Variants in DMXL1 observed in about 807,000 individuals in gnomAD.
DMXL1 encodes dmX-like protein 1.
A neutral mutation model predicts 319.2 loss-of-function variants in DMXL1; 99 were observed. The ratio of observed to expected loss-of-function variants is 0.31; its 90% CI spans 0.26 to 0.37. The LOEUF is 0.37. Ranked by LOEUF, DMXL1 falls within the 10% of genes least tolerant of loss-of-function variation. DMXL1 has a pLI of 1.00. For synonymous variants in DMXL1, 1,385 were observed against 1,235.2 expected (o/e 1.12, Z -2.54); for missense variants, 3,745 against 3,595.6 (o/e 1.04, Z -1.06).
chr5:119,113,610 T>A (rs1287606565), intron 5 of DMXL1, among the ~76,000 whole-genome samples: 1 of 152,202 alleles, frequency 6.6e-6, no homozygotes, highest in African/African-American at 2.4e-5. Context: ...CACCTTTTCC[T>A]GCAGAAAGTA....
At chr5:119,124,863 A>C (rs570172410) in intron 9 of DMXL1, among the ~76,000 whole-genome samples, 17 of 152,094 alleles carry the variant, frequency 1.1e-4, no homozygotes, top group Non-Finnish European at 2.4e-4. Flanking sequence ...CACTGCACCC[A>C]ACCAACATTT....
chr5:119,172,099 T>A (rs960423304), intron 25 of DMXL1, 130 bp downstream of exon 25: 2 of 798,602 alleles, frequency 2.5e-6, no homozygotes, highest in African/African-American at 1.8e-5. Context: ...TTGCCAAGTT[T>A]ATGTTGATTC....
chr5:119,121,181 G>C, intron 9 of DMXL1, 42 bp downstream of exon 9: 2 of 1,492,390 alleles, frequency 1.3e-6, no homozygotes, highest in Non-Finnish European at 1.8e-6. Flanking sequence ...AAATTGAATA[G>C]ATTGATTTTA....
At chr5:119,224,174 A>C (rs1785131107) in intron 37 of DMXL1, among the ~76,000 whole-genome samples, 1 of 152,162 alleles carries the variant, frequency 6.6e-6, no homozygotes, top group African/African-American at 2.4e-5. Flanking sequence ...CTGATGCTAC[A>C]AATTTAAGAT....
intron 1 of DMXL1, among the ~76,000 whole-genome samples, chr5:119,084,187 C>T (rs919810030): frequency 1.3e-5 from 2 of 151,736 alleles, no homozygotes; most frequent in African/African-American, 4.8e-5. Context: ...GTGGCTCATT[C>T]TTGGCTCCCT....
At chr5:119,128,341 G>T in intron 9 of DMXL1, 1 of 281,776 alleles carries the variant, frequency 3.5e-6, no homozygotes, top group Admixed American at 3.8e-5. Flanking sequence ...TATTTGATTT[G>T]GGAGACTGGA....
intron 2 of DMXL1, 47 bp from the exon 3 acceptor site, chr5:119,101,888 A>G: frequency 1.6e-6 from 2 of 1,274,758 alleles, no homozygotes; most frequent in South Asian, 2.7e-5. Context: ...TTTGATTCAT[A>G]AGTAAGTTAA....
At chr5:119,184,530 G>A (rs1048211248) in intron 28 of DMXL1, among the ~76,000 whole-genome samples, 2 of 152,058 alleles carry the variant, frequency 1.3e-5, no homozygotes, top group Non-Finnish European at 2.9e-5. Context: ...ATAAAATTTA[G>A]CAAGTGAACC....
chr5:119,164,439 A>G (rs920091472), intron 19 of DMXL1, 68 bp from the exon 20 acceptor site: 6 of 1,376,978 alleles, frequency 4.4e-6, no homozygotes, highest in South Asian at 1.4e-5. Context: ...AATATGGAAC[A>G]TACATTTCTG....
At chr5:119,122,301 CCGGG>C (rs1561640938) in intron 9 of DMXL1, among the ~76,000 whole-genome samples, 3 of 147,500 alleles carry the variant, frequency 2.0e-5, no homozygotes, top group African/African-American at 7.5e-5. Context: ...GGGCGGCTGG[CCGGG>C]CGGGGGGCTG....
rs781718223 is a variant in DMXL1, at chr5:119,134,350, T to C, written c.2337T>C (p.Ala779=). 3 of 1,613,348 alleles carry C rather than the reference T, an allele frequency of 1.9e-6. No individual in the cohort carries two copies. Among genetic ancestry groups the C allele is most frequent in the Admixed American group, 1.7e-5 (1 of 59,856 alleles). ...YLRLYEAVID[A]KKLLSELSNP... ...GATTATATGAAGCAGTTATTGATGCTAAGAAACTTTTATCTGAGCTTTCTA... is the reference window on the plus strand; with the variant it reads ...GATTATATGAAGCAGTTATTGATGCCAAGAAACTTTTATCTGAGCTTTCTA... Residue 779 remains alanine, a synonymous_variant, in exon 13 of 44, where the codon GCT becomes GCC. Coordinates refer to ENST00000539542, the MANE Select transcript of DMXL1 (RefSeq NM_001290321.3).
chr5:119,160,042 C>T (rs1292412768), intron 19 of DMXL1, among the ~76,000 whole-genome samples: 1 of 151,800 alleles, frequency 6.6e-6, no homozygotes, highest in Non-Finnish European at 1.5e-5. Flanking sequence ...TTTATTTCTC[C>T]TCTGATTTTC....
chr5:119,116,596 C>T (rs1416401699), intron 7 of DMXL1, among the ~76,000 whole-genome samples: 1 of 152,134 alleles, frequency 6.6e-6, no homozygotes, highest in African/African-American at 2.4e-5. Context: ...CAGAGTTGTA[C>T]ATATTTTCTT....
At chr5:119,220,186 A>G (rs1177724726) in intron 35 of DMXL1, among the ~76,000 whole-genome samples, 1 of 152,134 alleles carries the variant, frequency 6.6e-6, no homozygotes, top group East Asian at 1.9e-4. Flanking sequence ...CATACCTTAG[A>G]GCGATCATAG....
At chr5:119,221,650 G>C (rs574507449) in intron 37 of DMXL1, among the ~76,000 whole-genome samples, 5 of 152,176 alleles carry the variant, frequency 3.3e-5, no homozygotes, top group African/African-American at 7.2e-5. Context: ...TGCCCATAAA[G>C]CCAAAACACT....
Position 119,143,928 on chromosome 5 carries a change from C to T in DMXL1, c.2464C>T (p.Leu822Phe), listed in dbSNP as rs767635891. The change falls in exon 14 of 44, where the codon CTT (leucine) becomes TTT (phenylalanine). Residue 822 changes from leucine (L) to phenylalanine (F), a missense_variant and splice_region_variant. Leu to Phe is a conservative substitution (Grantham distance 22). Transcript: ENST00000539542. Reference sequence around the variant, plus strand: ...TATTGCATTAGATCCCATTACCAAACTTGTAAGTATTAATTTTGGGGGGGA... The same window carrying T: ...TATTGCATTAGATCCCATTACCAAATTTGTAAGTATTAATTTTGGGGGGGA... Reference protein sequence around the residue: ...CIIALDPITKLHGRKTQLLHV... With the variant: ...CIIALDPITKFHGRKTQLLHV... 2.6e-6 allele frequency: 4 copies of T among 1,554,812 alleles called. No individual in the cohort carries two copies. The highest frequency in any genetic ancestry group is 3.5e-6 in the Non-Finnish European group (4 of 1,150,456).
intron 24 of DMXL1, 90 bp from the exon 25 acceptor site, chr5:119,171,688 T>C: frequency 1.0e-6 from 1 of 999,846 alleles, no homozygotes; most frequent in African/African-American, 1.7e-5. Flanking sequence ...TTAATTGTTT[T>C]GAAGTGTTTT....
intron 2 of DMXL1, chr5:119,100,770 C>CTTTTTTTTTTTT (rs397999092): frequency 6.4e-5 from 4 of 62,668 alleles, no homozygotes; most frequent in African/African-American, 1.8e-4. Flanking sequence ...CATCTGTTTT[C>CTTTTTTTTTTTT]TTTTTTTTTT....
At position 119,166,318 on chromosome 5, in the gene DMXL1, G is replaced by A. The variant is rs970815601; in HGVS notation, c.4971-298G>A. Among the ~76,000 whole-genome samples the A allele has an allele frequency of 3.9e-5, 6 of 152,228 alleles. No individual in the cohort carries two copies. The East Asian group carries it at 1.2e-3, about 29-fold the overall frequency. On this transcript the variant is annotated intron_variant, in intron 21 of 43. Transcript: ENST00000539542. ...GAAAAGATACTGATGAGTTTCAATG[G>A]TGGCACCCAAGTTAATATAAATCAA...
Sources: gnomAD v4.1 joint callset for allele counts (sites outside exome capture counted in the v4.1 genomes callset) on GRCh38, gnomAD v4.1.1 for gene constraint, MANE v1.5 for transcripts, NCBI Gene and HGNC (gene_info 2026-07-23, HGNC 2026-07-21) for gene names.